Variants in PSMG2 observed in about 807,000 individuals in gnomAD.
The protein encoded by PSMG2 is proteasome assembly chaperone 2, also known as CD40 ligand-activated specific transcript 3.
A neutral mutation model predicts 31.5 loss-of-function variants in PSMG2; 21 were observed. That is an observed-to-expected ratio of 0.67 (90% CI 0.47 to 0.96). The LOEUF (loss-of-function observed/expected upper bound fraction) is 0.96. Among genes scored for constraint, PSMG2 ranks in the 40% least tolerant of loss-of-function variants. The pLI, the probability that PSMG2 is intolerant of heterozygous loss-of-function variation, is 0.00. For missense variants in PSMG2, 318 were observed against 321.2 expected, an observed-to-expected ratio of 0.99 and a Z score of 0.08; for synonymous variants, 120 against 110.4, an observed-to-expected ratio of 1.09 and a Z score of -0.54.
chr18:12,724,875 T>G, intron 6 of PSMG2: 1 of 411,288 alleles, frequency 2.4e-6, no homozygotes, highest in Non-Finnish European at 4.2e-6. Context: ...CTATTCATGT[T>G]AGATTAATTA....
At chr18:12,702,169 C>T (rs1355258490), upstream of PSMG2, among the ~76,000 whole-genome samples, 1 of 152,172 alleles carries the variant, frequency 6.6e-6, no homozygotes, top group Non-Finnish European at 1.5e-5. Flanking sequence ...TATAAACCTC[C>T]AAATACAACT....
intron 1 of PSMG2, chr18:12,662,303 A>C (rs2144937593): frequency 8.1e-6 from 3 of 368,292 alleles, no homozygotes; most frequent in South Asian, 6.3e-5. Context: ...TGTGCTCTTC[A>C]GTTATACAAC....
chr18:12,662,654 A>G (rs929641266), intron 1 of PSMG2, among the ~76,000 whole-genome samples: 2 of 152,176 alleles, frequency 1.3e-5, no homozygotes, highest in African/African-American at 4.8e-5. Context: ...GTGCACACCT[A>G]TAATCCCAGC....
chr18:12,709,085 G>T (rs1279242654), intron 2 of PSMG2, among the ~76,000 whole-genome samples: 3 of 151,396 alleles, frequency 2.0e-5, no homozygotes, highest in Admixed American at 6.6e-5. Flanking sequence ...TCGCCCTGTT[G>T]CCCAGGCTGG....
intron 1 of PSMG2, chr18:12,678,101 T>C (rs2039209613): frequency 1.3e-6 from 2 of 1,598,186 alleles, no homozygotes; most frequent in Non-Finnish European, 8.6e-7. Context: ...TATTTCAGTG[T>C]GAATTACCTT....
chr18:12,697,207 A>G lies in PSMG2; in HGVS notation c.-36-9343A>G, dbSNP rs191767114. ...TGGCTATAAAAAGGTTAACAATGAT[A>G]TATTAATCACCATACCTACACCCAT... On this transcript the variant is annotated intron_variant, in intron 1 of 6. Transcript: ENST00000585331. 2.6e-5 allele frequency: 40 copies of G among 1,553,712 alleles called. No homozygotes were observed. The East Asian group carries it at 8.4e-4, about 33-fold the overall frequency.
chr18:12,701,622 A>G (rs772246963), upstream of PSMG2, among the ~76,000 whole-genome samples: 1 of 152,196 alleles, frequency 6.6e-6, no homozygotes, highest in Non-Finnish European at 1.5e-5. Flanking sequence ...CTGGCACACA[A>G]GGGCACCATA....
chr18:12,667,848 CTTTTT>C (rs36019439), intron 1 of PSMG2, among the ~76,000 whole-genome samples: 3 of 116,734 alleles, frequency 2.6e-5, no homozygotes, highest in Non-Finnish European at 5.1e-5. Flanking sequence ...CTTTCTGATC[CTTTTT>C]TTTTTTTTTT....
chr18:12,698,686 A>C (rs1335829086), upstream of PSMG2: 1 of 279,374 alleles, frequency 3.6e-6, no homozygotes, highest in African/African-American at 2.2e-5. Flanking sequence ...TTTCCACTAT[A>C]TCATCCCAGC....
chr18:12,703,438 T>TA (rs1251141836), intron 1 of PSMG2, among the ~76,000 whole-genome samples: 1 of 152,224 alleles, frequency 6.6e-6, no homozygotes, highest in Non-Finnish European at 1.5e-5. Flanking sequence ...ACACTGTACT[T>TA]ATGTTTTGCA....
At chr18:12,699,106 T>G, upstream of PSMG2, 1 of 1,614,116 alleles carries the variant, frequency 6.2e-7, no homozygotes, top group Non-Finnish European at 8.5e-7. Flanking sequence ...TTGAACAAAC[T>G]TGTCCAGGTA....
At chr18:12,700,957 C>G, upstream of PSMG2, 1 of 1,610,726 alleles carries the variant, frequency 6.2e-7, no homozygotes, top group Non-Finnish European at 8.5e-7. Context: ...AGATTACTCA[C>G]AGTAACAAAA....
chr18:12,697,638 G>C (rs939645079), intron 1 of PSMG2, among the ~76,000 whole-genome samples: 1 of 152,174 alleles, frequency 6.6e-6, no homozygotes, highest in Non-Finnish European at 1.5e-5. Flanking sequence ...GTAACTTACA[G>C]CATATCAGTG....
upstream of PSMG2, chr18:12,702,469 G>T: frequency 6.3e-7 from 1 of 1,590,958 alleles, no homozygotes; most frequent in Non-Finnish European, 8.6e-7. Flanking sequence ...GTCTCTCCCA[G>T]CACCCGCGAC....
chr18:12,659,965 A>G (rs949690716), intron 1 of PSMG2, among the ~76,000 whole-genome samples: 1 of 152,190 alleles, frequency 6.6e-6, no homozygotes, highest in Non-Finnish European at 1.5e-5. Flanking sequence ...GATTTTGCAA[A>G]TACAGACTGG....
intron 1 of PSMG2, among the ~76,000 whole-genome samples, chr18:12,682,928 A>C (rs916065660): frequency 6.6e-6 from 1 of 152,094 alleles, no homozygotes; most frequent in Non-Finnish European, 1.5e-5. Flanking sequence ...GGCTTAATCA[A>C]CCTTTTAGAC....
intron 3 of PSMG2, among the ~76,000 whole-genome samples, chr18:12,716,693 C>T (rs1347209159): frequency 6.6e-6 from 1 of 152,090 alleles, no homozygotes; most frequent in Non-Finnish European, 1.5e-5. Flanking sequence ...CGTGCCTGGC[C>T]ACAAGACTAA....
chr18:12,671,994 A>C (rs959803138), intron 1 of PSMG2, among the ~76,000 whole-genome samples: 1 of 149,790 alleles, frequency 6.7e-6, no homozygotes, highest in African/African-American at 2.5e-5. Context: ...TAATTTTTGT[A>C]TCTTTAGTAG....
chr18:12,694,079 C>T (rs1443603424), intron 1 of PSMG2, among the ~76,000 whole-genome samples: 1 of 152,152 alleles, frequency 6.6e-6, no homozygotes, highest in Non-Finnish European at 1.5e-5. Flanking sequence ...AAGTGATCCA[C>T]CCACCTTAGC....
Sources: gnomAD v4.1 joint callset for allele counts (sites outside exome capture counted in the v4.1 genomes callset) on GRCh38, gnomAD v4.1.1 for gene constraint, MANE v1.5 for transcripts, NCBI Gene and HGNC (gene_info 2026-07-23, HGNC 2026-07-21) for gene names.